The following PAFAH2 variants were observed in gnomAD, a reference collection of about 807,000 sequenced individuals.
PAFAH2 encodes platelet activating factor acetylhydrolase 2.
In PAFAH2, 42 loss-of-function variants were observed where a neutral mutation model predicts 49.0. The observed-to-expected ratio is 0.86, with a 90% CI of 0.67 to 1.11. The LOEUF is 1.11. PAFAH2 is among the 50% of genes least tolerant of loss of function. The pLI, the probability that PAFAH2 is intolerant of heterozygous loss-of-function variation, is 0.00. For synonymous variants in PAFAH2, 184 were observed against 181.3 expected (o/e 1.01, Z -0.12); for missense variants, 503 against 501.8 (o/e 1.00, Z -0.02).
chr1:25,990,667 G>T, intron 2 of PAFAH2, 60 bp downstream of exon 2: 1 of 1,352,972 alleles, frequency 7.4e-7, no homozygotes, highest in South Asian at 1.2e-5. Context: ...CTTGTGATCA[G>T]TAAGTCACGG....
intron 6 of PAFAH2, among the ~76,000 whole-genome samples, chr1:25,983,670 C>T (rs770807412): frequency 2.6e-5 from 4 of 152,198 alleles, no homozygotes; most frequent in East Asian, 3.9e-4. Flanking sequence ...CAAATCCTGA[C>T]GGCATTTAAG....
intron 10 of PAFAH2, 71 bp from the exon 11 acceptor site, chr1:25,962,154 T>C (rs1355747848): frequency 1.7e-5 from 22 of 1,260,878 alleles, no homozygotes; most frequent in Non-Finnish European, 2.3e-5. Flanking sequence ...CTGACATGCA[T>C]TGAAGGGGTC....
intron 7 of PAFAH2, among the ~76,000 whole-genome samples, chr1:25,977,415 C>T (rs564773395): frequency 1.8e-4 from 28 of 151,656 alleles, no homozygotes; most frequent in African/African-American, 6.5e-4. Context: ...CTCTGGGAAG[C>T]CAAGGCGGGC....
intron 1 of PAFAH2, among the ~76,000 whole-genome samples, chr1:25,994,859 A>C (rs948105984): frequency 6.6e-6 from 1 of 152,210 alleles, no homozygotes; most frequent in African/African-American, 2.4e-5. Flanking sequence ...GAAGATCATC[A>C]ACTAAATTGT....
intron 10 of PAFAH2, among the ~76,000 whole-genome samples, chr1:25,967,569 A>G (rs1421659223): frequency 6.6e-6 from 1 of 152,178 alleles, no homozygotes; most frequent in African/African-American, 2.4e-5. Context: ...CAGAAGCTGC[A>G]GAGAGTTCCA....
chr1:25,993,857 C>G (rs1200691990), intron 1 of PAFAH2, among the ~76,000 whole-genome samples: 1 of 152,106 alleles, frequency 6.6e-6, no homozygotes, highest in Non-Finnish European at 1.5e-5. Flanking sequence ...TAAAAGACCA[C>G]AGGAGTTCTG....
rs2049592124 is a variant in PAFAH2 at position 25,976,585 on chromosome 1, A to G, written c.758+97T>C. The G allele has an allele frequency of 9.4e-6, 8 of 848,898 alleles. No homozygotes were observed. In the East Asian group the frequency reaches 2.0e-4, roughly 21 times the overall value. 52.6% of individuals were successfully genotyped at this position (848,898 alleles called of 1,614,324 possible). A position where few individuals can be genotyped will look rare whatever the true frequency, so the allele number is the denominator to read the frequency against. On this transcript the variant is annotated intron_variant, in intron 8 of 10. Transcript: ENST00000374282. ...TTTAACCGCTGAATCCTCAGTCCCTAAACAGTGCCAAGAATATAGTACTTG... is the reference window on the plus strand; with the variant it reads ...TTTAACCGCTGAATCCTCAGTCCCTGAACAGTGCCAAGAATATAGTACTTG...
intron 4 of PAFAH2, among the ~76,000 whole-genome samples, chr1:25,984,918 G>C (rs906742591): frequency 4.3e-5 from 6 of 138,006 alleles, no homozygotes; most frequent in Admixed American, 3.3e-4. Context: ...GGACTATCTT[G>C]GCCTCGGCTC....
chr1:25,963,688 A>G (rs2049376175), intron 10 of PAFAH2, among the ~76,000 whole-genome samples: 1 of 152,200 alleles, frequency 6.6e-6, no homozygotes, highest in African/African-American at 2.4e-5. Flanking sequence ...TTTTTAGTAG[A>G]GACGAGGTTT....
intron 7 of PAFAH2, 145 bp downstream of exon 7, chr1:25,982,219 G>T (rs2049700262): frequency 1.7e-6 from 1 of 602,610 alleles, no homozygotes. Flanking sequence ...AACTACACTG[G>T]CCTAAAGTTG....
At chr1:25,981,118 G>A (rs1304516605) in intron 7 of PAFAH2, among the ~76,000 whole-genome samples, 1 of 151,984 alleles carries the variant, frequency 6.6e-6, no homozygotes, top group Non-Finnish European at 1.5e-5. Context: ...TTTAAATCAT[G>A]CCATACAAAA....
intron 3 of PAFAH2, among the ~76,000 whole-genome samples, chr1:25,988,879 C>T (rs1010624814): frequency 4.0e-5 from 6 of 149,916 alleles, no homozygotes; most frequent in South Asian, 2.1e-4. Context: ...GTACTGAACC[C>T]GGGGTAAACT....
intron 7 of PAFAH2, among the ~76,000 whole-genome samples, chr1:25,977,845 C>T (rs1182202038): frequency 6.6e-6 from 1 of 152,104 alleles, no homozygotes; most frequent in Non-Finnish European, 1.5e-5. Context: ...ATGCTCCTTG[C>T]TGCCCATCCA....
chr1:25,990,122 C>T (rs1329799005), intron 2 of PAFAH2, among the ~76,000 whole-genome samples: 1 of 152,142 alleles, frequency 6.6e-6, no homozygotes, highest in Non-Finnish European at 1.5e-5. Context: ...AGGAACTAAG[C>T]CAGGCACAGT....
chr1:25,977,174 T>C lies in PAFAH2; in HGVS notation c.667-401A>G, dbSNP rs933032594. Among the ~76,000 whole-genome samples, 8 of 150,924 alleles carry C rather than the reference T, an allele frequency of 5.3e-5. No homozygotes were observed. In the East Asian group the frequency reaches 7.9e-4, roughly 15 times the overall value. On this transcript the variant is annotated intron_variant, in intron 7 of 10. Coordinates refer to ENST00000374282, the MANE Select transcript of PAFAH2 (RefSeq NM_000437.4). Reference sequence around the variant, plus strand: ...AGTAGCTGGGACTACAGGCGCCCGCTACCACGCCCGGCTAATTTTTTGTAT... The same window carrying C: ...AGTAGCTGGGACTACAGGCGCCCGCCACCACGCCCGGCTAATTTTTTGTAT...
At chr1:25,988,671 C>T (rs1047114081) in intron 3 of PAFAH2, among the ~76,000 whole-genome samples, 5 of 151,746 alleles carry the variant, frequency 3.3e-5, no homozygotes, top group East Asian at 1.9e-4. Flanking sequence ...GGCGTGGTGG[C>T]GGGCTCCTAT....
At chr1:25,990,995 T>C (rs2049864906) in intron 1 of PAFAH2, 132 bp from the exon 2 acceptor site, 2 of 567,762 alleles carry the variant, frequency 3.5e-6, no homozygotes, top group Admixed American at 3.1e-5. Flanking sequence ...TCATTAAATC[T>C]TGCACCTACT....
In PAFAH2 at chr1:25,980,614, TA is replaced by T. The variant is rs201081996; in HGVS notation, c.666+1749del. The stretch of plus-strand genomic sequence containing the variant: ...GAGCCACCGCACTGGGCCATATTTA[TA>T]TATATATATATATATATTTTATATA... On this transcript the variant is annotated intron_variant, in intron 7 of 10. Coordinates refer to ENST00000374282, the MANE Select transcript of PAFAH2 (RefSeq NM_000437.4). 6.4e-3 allele frequency among the ~76,000 whole-genome samples: 935 copies of T among 146,338 alleles called. 12 individuals are homozygous for T. Among genetic ancestry groups the T allele is most frequent in the African/African-American group, 0.018 (715 of 40,208 alleles).
intron 1 of PAFAH2, among the ~76,000 whole-genome samples, chr1:25,993,948 C>CA (rs2049906321): frequency 6.6e-6 from 1 of 151,964 alleles, no homozygotes; most frequent in Non-Finnish European, 1.5e-5. Flanking sequence ...AGAGAGCAAG[C>CA]AAAGGCACGG....
Sources: gnomAD v4.1 joint callset for allele counts (sites outside exome capture counted in the v4.1 genomes callset) on GRCh38, gnomAD v4.1.1 for gene constraint, MANE v1.5 for transcripts, NCBI Gene and HGNC (gene_info 2026-07-23, HGNC 2026-07-21) for gene names.